TSHZ3: variants seen among roughly 807,000 people sequenced by gnomAD.
TSHZ3 encodes teashirt zinc finger homeobox 3, also known as teashirt homolog 3.
Under a neutral mutation model 64.5 loss-of-function variants are expected in TSHZ3, and 10 were observed. The ratio of observed to expected loss-of-function variants is 0.16; its 90% confidence interval spans 0.10 to 0.26. The LOEUF (loss-of-function observed/expected upper bound fraction) is 0.26, where lower values mean the gene tolerates loss of function less well. Among genes scored for constraint, TSHZ3 ranks in the 10% least tolerant of loss-of-function variants. The pLI is 1.00. For missense variants in TSHZ3, 1,242 were observed against 1,421.7 expected, an observed-to-expected ratio of 0.87 and a Z score of 2.03; for synonymous variants, 608 against 593.1, an observed-to-expected ratio of 1.03 and a Z score of -0.36.
intron 4 of TSHZ3, among the ~76,000 whole-genome samples, chr19:31,225,972 C>T (rs1322086155): frequency 2.0e-5 from 3 of 151,916 alleles, no homozygotes; most frequent in Non-Finnish European, 4.4e-5. Context: ...ACTAAAAATA[C>T]AAAAATGAGC....
rs1976297698 is a variant in TSHZ3, at chr19:31,278,559, T to C, written c.1234A>G (p.Ile412Val). The C allele has an allele frequency of 3.1e-6, 5 of 1,614,026 alleles. No homozygotes were observed. The East Asian group carries it at 1.1e-4, about 36-fold the overall frequency. ...TTCATAGCAGAGTTGGTGACCTTGA[T>C]GAAGTGGCCAGTGACCATCATGTGG... ...TAHMMVTGHF[I>V]KVTNSAMKKG... is the part of the protein sequence containing the mutation. Residue 412 changes from isoleucine to valine, a missense_variant, in exon 2 of 2, where the codon ATC (isoleucine) becomes GTC (valine). Physicochemically the swap from Ile to Val is conservative, Grantham distance 29. Transcript: ENST00000240587. This position sits in a 1 kb window ranked among gnomAD's most constrained non-coding sequence, Gnocchi z 4.7.
chr19:31,288,189 G>A lies in TSHZ3; in HGVS notation c.41-8437C>T, dbSNP rs374441883. On this transcript the variant is annotated intron_variant, in intron 1 of 1. Coordinates refer to ENST00000240587, the MANE Select transcript of TSHZ3 (RefSeq NM_020856.4). Reference sequence around the variant, plus strand: ...CGAAGGGGATGGAGGAAGGATGATGGCTTGGGAAGGTGGCTGTCAGGTGTG... The same window carrying A: ...CGAAGGGGATGGAGGAAGGATGATGACTTGGGAAGGTGGCTGTCAGGTGTG... Among the ~76,000 whole-genome samples, 11 of 152,136 alleles carry A rather than the reference G, an allele frequency of 7.2e-5. No individual in the cohort carries two copies. The East Asian group carries it at 1.9e-3, about 27-fold the overall frequency.
At position 31,281,773 on chromosome 19, in the gene TSHZ3, C is replaced by T. The variant is rs1304805047; in HGVS notation, c.41-2021G>A. The stretch of plus-strand genomic sequence containing the variant: ...AAAGAAAAGAAGACATCTCACTCTC[C>T]CTCACCTGCCCCCCGACAGACTTCC... On this transcript the variant is annotated intron_variant, in intron 1 of 1. Transcript: ENST00000240587. 3.3e-5 allele frequency among the ~76,000 whole-genome samples: 5 copies of T among 152,198 alleles called. No homozygotes were observed. In the East Asian group the frequency reaches 7.7e-4, roughly 23 times the overall value.
At chr19:31,329,293 A>G (rs1917009811) in intron 1 of TSHZ3, among the ~76,000 whole-genome samples, 1 of 152,216 alleles carries the variant, frequency 6.6e-6, no homozygotes, top group Admixed American at 6.5e-5. Context: ...AGACAATGGT[A>G]ATTTCTTACT....
chr19:31,316,355 A>G (rs187902036), intron 1 of TSHZ3, among the ~76,000 whole-genome samples: 1 of 152,300 alleles, frequency 6.6e-6, no homozygotes, highest in East Asian at 1.9e-4. Context: ...AAAGGGGAAG[A>G]CGGCACCTCT....
chr19:31,153,731 A>G (rs760603234), intron 6 of TSHZ3, among the ~76,000 whole-genome samples: 1 of 152,246 alleles, frequency 6.6e-6, no homozygotes, highest in African/African-American at 2.4e-5. Flanking sequence ...GTGAGTATCT[A>G]ATAAATATTT....
In TSHZ3 at chr19:31,288,733, G is replaced by A. The variant is rs568678634; in HGVS notation, c.41-8981C>T. On this transcript the variant is annotated intron_variant, in intron 1 of 1. Transcript: ENST00000240587. ...AAAACAATCTTTTTTTAGAGTTGGG[G>A]TCTTGCTGTGTTGCCCATGCTGCTC... is the stretch of plus-strand genomic sequence containing the variant. Among the ~76,000 whole-genome samples the A allele has an allele frequency of 3.3e-5, 5 of 152,248 alleles. No homozygotes were observed. In the South Asian group the frequency reaches 1.0e-3, roughly 32 times the overall value.
chr19:31,217,456 G>A (rs938494165), intron 4 of TSHZ3, among the ~76,000 whole-genome samples: 5 of 152,072 alleles, frequency 3.3e-5, no homozygotes, highest in African/African-American at 4.8e-5. Flanking sequence ...AAGGGAGGTC[G>A]TAATCTAATT....
At chr19:31,219,372 T>C (rs1280967706) in intron 4 of TSHZ3, among the ~76,000 whole-genome samples, 2 of 152,182 alleles carry the variant, frequency 1.3e-5, no homozygotes, top group Non-Finnish European at 2.9e-5. Context: ...AAGTTCATTT[T>C]TCTTATCAAG....
downstream of TSHZ3, among the ~76,000 whole-genome samples, chr19:31,271,203 C>T (rs969637848): frequency 6.6e-6 from 1 of 152,108 alleles, no homozygotes; most frequent in Non-Finnish European, 1.5e-5. Flanking sequence ...AATCATCCAG[C>T]GCTTTGGGAT....
rs147177892 is a variant in TSHZ3, at chr19:31,276,559, T to A, written c.3234A>T (p.Leu1078Phe). The change falls in exon 2 of 2, where the codon TTA becomes TTT. Residue 1078 changes from leucine to phenylalanine, a missense_variant. Leu to Phe is a conservative substitution (Grantham distance 22). This residue lies in a region of TSHZ3 where 126 missense variants were observed against 140.6 expected (regional missense o/e 0.90). Transcript: ENST00000240587. The stretch of plus-strand genomic sequence containing the variant: ...TCAAAAGCAAATGCTACTGCTTCTC[T>A]AACTCAGAGACATACAGAAGGTGGT... ...PEDHLLYVSELEKQ is the reference protein window; with the variant it reads ...PEDHLLYVSEFEKQ 18 of 1,550,768 alleles carry A rather than the reference T, an allele frequency of 1.2e-5. No individual in the cohort carries two copies. The African/African-American group carries it at 1.9e-4, about 17-fold the overall frequency.
intron 5 of TSHZ3, chr19:31,195,816 T>A (rs1568344178): frequency 6.6e-6 from 1 of 152,064 alleles, no homozygotes; most frequent in Non-Finnish European, 1.5e-5. Flanking sequence ...ATAATCAATA[T>A]AGTCATGTGT....
intron 5 of TSHZ3, among the ~76,000 whole-genome samples, chr19:31,200,180 A>G (rs1975058741): frequency 1.3e-5 from 2 of 152,174 alleles, no homozygotes. Context: ...AAAACTAAAC[A>G]CACTCTTACC....
At chr19:31,234,852 T>C (rs1040146369) in intron 3 of TSHZ3, among the ~76,000 whole-genome samples, 1 of 152,194 alleles carries the variant, frequency 6.6e-6, no homozygotes, top group Non-Finnish European at 1.5e-5. Context: ...GCTTTTGATA[T>C]CAGGATTGTG....
At chr19:31,192,387 A>C (rs1356857129) in intron 5 of TSHZ3, among the ~76,000 whole-genome samples, 1 of 152,202 alleles carries the variant, frequency 6.6e-6, no homozygotes, top group Non-Finnish European at 1.5e-5. Flanking sequence ...CAATGTATGA[A>C]AACAGATGCT....
At chr19:31,293,647 A>G (rs1056109888) in intron 1 of TSHZ3, among the ~76,000 whole-genome samples, 1 of 152,232 alleles carries the variant, frequency 6.6e-6, no homozygotes, top group Admixed American at 6.5e-5. Flanking sequence ...AGTCCCCTCT[A>G]AACTCTAAAG....
chr19:31,194,256 A>T (rs539365448), intron 5 of TSHZ3, among the ~76,000 whole-genome samples: 1 of 152,298 alleles, frequency 6.6e-6, no homozygotes, highest in South Asian at 2.1e-4. Flanking sequence ...CTGGAGCTGG[A>T]CCAGGTTCCC....
chr19:31,232,107 C>T (rs1975548387), intron 3 of TSHZ3, among the ~76,000 whole-genome samples: 1 of 151,998 alleles, frequency 6.6e-6, no homozygotes. Context: ...TGCCTCCTGC[C>T]CCTGAGCTAG....
chr19:31,337,753 A>ACACACACACACACACAC, intron 1 of TSHZ3, among the ~76,000 whole-genome samples: 2 of 151,906 alleles, frequency 1.3e-5, no homozygotes, highest in African/African-American at 4.8e-5. Flanking sequence ...ACACACACAC[A>ACACACACACACACACAC]AAGTTGCCTG....
Sources: gnomAD v4.1 joint callset for allele counts (sites outside exome capture counted in the v4.1 genomes callset) on GRCh38, gnomAD v4.1.1 for gene constraint, gnomAD v4.1.1 regional missense constraint, Gnocchi (gnomAD v3.1) non-coding constraint, MANE v1.5 for transcripts, NCBI Gene and HGNC (gene_info 2026-07-23, HGNC 2026-07-21) for gene names.